Variants in IQGAP1 observed in about 807,000 individuals in gnomAD.
The protein encoded by IQGAP1 is ras GTPase-activating-like protein IQGAP1.
A neutral mutation model predicts 215.6 loss-of-function variants in IQGAP1; 66 were observed. That is an observed-to-expected ratio of 0.31 (90% CI 0.25 to 0.38). IQGAP1 has a LOEUF of 0.38. Among genes scored for constraint, IQGAP1 ranks in the 10% least tolerant of loss-of-function variants. The pLI is 1.00. For synonymous variants in IQGAP1, 772 were observed against 728.7 expected (o/e 1.06, Z -0.96); for missense variants, 1,712 against 1,997.1 (o/e 0.86, Z 2.72).
chr15:90,432,517 G>T lies in IQGAP1; in HGVS notation c.391-1202G>T, dbSNP rs1275604558. Among the ~76,000 whole-genome samples the T allele has an allele frequency of 4.6e-5, 7 of 152,190 alleles. No homozygotes were observed. In the East Asian group the frequency reaches 1.3e-3, roughly 29 times the overall value. ...TGTCCTGCTTATCAAGTTCAGACTTGTCTGACTTTCAAGTTGCTTATAATA... is the reference window on the plus strand; with the variant it reads ...TGTCCTGCTTATCAAGTTCAGACTTTTCTGACTTTCAAGTTGCTTATAATA... On this transcript the variant is annotated intron_variant, in intron 4 of 37. Coordinates refer to ENST00000268182, the MANE Select transcript of IQGAP1 (RefSeq NM_003870.4).
In IQGAP1 at chr15:90,390,893, A is replaced by G. The variant is rs773962312; in HGVS notation, c.155+20A>G. ...GAAGAGGTAAAGATTGGCTGGCTGG[A>G]GAGAAGATTAAGAGAAGGGAACTGA... On this transcript the variant is annotated intron_variant, in intron 2 of 37. Transcript: ENST00000268182. The G allele has an allele frequency of 7.6e-5, 108 of 1,420,106 alleles. No homozygotes were observed. The East Asian group carries it at 2.4e-3, about 32-fold the overall frequency. 88.0% of individuals were successfully genotyped at this position (1,420,106 alleles called of 1,614,324 possible).
chr15:90,394,188 G>T (rs1250894616), intron 2 of IQGAP1, among the ~76,000 whole-genome samples: 1 of 124,280 alleles, frequency 8.0e-6, no homozygotes, highest in Non-Finnish European at 1.6e-5. Flanking sequence ...TGATCTTCAG[G>T]TTTTTTTTTT....
chr15:90,495,555 A>T (rs1413446794), intron 36 of IQGAP1, among the ~76,000 whole-genome samples: 1 of 151,890 alleles, frequency 6.6e-6, no homozygotes, highest in African/African-American at 2.4e-5. Flanking sequence ...TTCTATTCAC[A>T]TAAAGATTAT....
chr15:90,465,784 C>T (rs1342695484), intron 15 of IQGAP1, among the ~76,000 whole-genome samples: 2 of 152,142 alleles, frequency 1.3e-5, no homozygotes, highest in South Asian at 2.1e-4. Flanking sequence ...TCTGCCTCAG[C>T]GCCCCCAAAG....
chr15:90,491,009 C>T (rs1567144046), intron 33 of IQGAP1, among the ~76,000 whole-genome samples: 1 of 152,140 alleles, frequency 6.6e-6, no homozygotes, highest in Non-Finnish European at 1.5e-5. Context: ...GACGGTTTCA[C>T]CGTGTTAGTC....
chr15:90,454,624 A>C, intron 14 of IQGAP1, 72 bp downstream of exon 14: 1 of 1,446,340 alleles, frequency 6.9e-7, no homozygotes. Flanking sequence ...AGTGGTTCAA[A>C]ATACTACTCC....
At chr15:90,482,651 T>G in intron 28 of IQGAP1, 1 of 726,208 alleles carries the variant, frequency 1.4e-6, no homozygotes, top group Non-Finnish European at 1.7e-6. Flanking sequence ...GCTATGCTCT[T>G]CTCTTTTCTT....
Position 90,441,593 on chromosome 15 carries a change from T to C in IQGAP1, c.737T>C (p.Met246Thr), listed in dbSNP as rs1227356160. The C allele has an allele frequency of 1.2e-6, 2 of 1,613,900 alleles. No individual in the cohort carries two copies. The highest frequency in any genetic ancestry group is 2.7e-5 in the African/African-American group (2 of 74,910). The part of the protein sequence containing the change: ...TFAALKNPNA[M>T]LVNLEEPLAS... Reference sequence around the variant, plus strand: ...GCAGCTTTGAAAAATCCGAATGCCATGCTTGTAAATCTTGAAGAGCCCTTG... The same window carrying C: ...GCAGCTTTGAAAAATCCGAATGCCACGCTTGTAAATCTTGAAGAGCCCTTG... The change falls in exon 8 of 38, where the codon ATG (methionine) becomes ACG (threonine). Residue 246 changes from methionine to threonine, a missense_variant. This residue lies in a region of IQGAP1 where 1,021 missense variants were observed against 1,074.2 expected (regional missense o/e 0.95). Coordinates refer to ENST00000268182, the MANE Select transcript of IQGAP1 (RefSeq NM_003870.4).
At chr15:90,427,271 A>G (rs1374469535) in intron 3 of IQGAP1, among the ~76,000 whole-genome samples, 1 of 152,154 alleles carries the variant, frequency 6.6e-6, no homozygotes, top group Non-Finnish European at 1.5e-5. Flanking sequence ...TTAAGCACTG[A>G]GATTTGTTGG....
At chr15:90,410,919 C>T (rs1255347319) in intron 2 of IQGAP1, among the ~76,000 whole-genome samples, 2 of 151,828 alleles carry the variant, frequency 1.3e-5, no homozygotes, top group Admixed American at 6.6e-5. Flanking sequence ...TTCTCTTGCT[C>T]ATATCACCAA....
chr15:90,485,910 G>A (rs1349582662), intron 30 of IQGAP1, 120 bp from the exon 31 acceptor site: 2 of 694,712 alleles, frequency 2.9e-6, no homozygotes, highest in East Asian at 2.8e-5. Context: ...TTTGCTTGTT[G>A]TTTCTTTGAA....
At chr15:90,499,972 GTT>G in intron 37 of IQGAP1, 21 bp from the exon 38 acceptor site, 4 of 1,339,984 alleles carry the variant, frequency 3.0e-6, no homozygotes, top group Non-Finnish European at 4.3e-6. Context: ...GTTTTGTTTT[GTT>G]TTGTTTTGTT....
chr15:90,466,608 C>A (rs1324103400), intron 17 of IQGAP1, among the ~76,000 whole-genome samples, 172 bp downstream of exon 17: 1 of 150,560 alleles, frequency 6.6e-6, no homozygotes, highest in African/African-American at 2.5e-5. Flanking sequence ...ATCCTTCCCC[C>A]CCCCCTTGTG....
chr15:90,487,199 C>G (rs1032168170), intron 32 of IQGAP1, 110 bp downstream of exon 32: 2 of 1,056,398 alleles, frequency 1.9e-6, no homozygotes, highest in Non-Finnish European at 1.4e-6. Context: ...ACCTCTCGTA[C>G]TTGTCATAAT....
chr15:90,485,295 T>A (rs1966111182), intron 30 of IQGAP1, among the ~76,000 whole-genome samples: 1 of 152,200 alleles, frequency 6.6e-6, no homozygotes, highest in Non-Finnish European at 1.5e-5. Flanking sequence ...TTGGTATACT[T>A]TTCTCTGAAT....
intron 5 of IQGAP1, among the ~76,000 whole-genome samples, chr15:90,435,889 A>C (rs16944414): frequency 0.19 from 29,390 of 152,062 alleles, 3,809 homozygotes; most frequent in African/African-American, 0.37. Context: ...GTGGATTGGC[A>C]ACATTTGATA....
At position 90,440,583 on chromosome 15, in the gene IQGAP1, T is replaced by G; in HGVS notation, c.617T>G (p.Leu206Trp). 1 of 1,567,324 alleles carries G rather than the reference T, an allele frequency of 6.4e-7. No individual in the cohort carries two copies. Among genetic ancestry groups the G allele is most frequent in the Non-Finnish European group, 8.7e-7 (1 of 1,154,348 alleles). ...MPAFSKIGGI[L>W]ANELSVDEAA... ...GCCTTTAGCAAGATTGGGGGCATCTTGGCTAATGAACTGTCAGTGGATGAA... is the reference window on the plus strand; with the variant it reads ...GCCTTTAGCAAGATTGGGGGCATCTGGGCTAATGAACTGTCAGTGGATGAA... Residue 206 changes from leucine to tryptophan, a missense_variant, in exon 7 of 38, where the codon TTG (leucine) becomes TGG (tryptophan). This residue lies in a region of IQGAP1 where 1,021 missense variants were observed against 1,074.2 expected (regional missense o/e 0.95). Transcript: ENST00000268182.
chr15:90,405,340 T>G (rs1352980598), intron 2 of IQGAP1, among the ~76,000 whole-genome samples: 1 of 152,224 alleles, frequency 6.6e-6, no homozygotes, highest in Non-Finnish European at 1.5e-5. Flanking sequence ...TCAAGCAAGT[T>G]ATATTGTAAT....
chr15:90,472,669 C>T (rs16974212), intron 18 of IQGAP1, among the ~76,000 whole-genome samples, 171 bp from the exon 19 acceptor site: 23,535 of 151,174 alleles, frequency 0.16, 2,609 homozygotes, highest in East Asian at 0.46. Flanking sequence ...GTGAGAACAA[C>T]CTAGTCCTAA....
Sources: gnomAD v4.1 joint callset for allele counts (sites outside exome capture counted in the v4.1 genomes callset) on GRCh38, gnomAD v4.1.1 for gene constraint, gnomAD v4.1.1 regional missense constraint, MANE v1.5 for transcripts, NCBI Gene and HGNC (gene_info 2026-07-23, HGNC 2026-07-21) for gene names.